Variants in MGA observed in about 807,000 individuals in gnomAD.
The protein encoded by MGA is MAX gene-associated protein.
MGA carries 40 observed loss-of-function variants against 261.1 expected under a neutral mutation model. The observed-to-expected ratio is 0.15, with a 90% CI of 0.12 to 0.20. The LOEUF is 0.20. MGA is among the 10% of genes least tolerant of loss of function. The pLI is 1.00. For synonymous variants in MGA, 1,302 were observed against 1,290.6 expected, an observed-to-expected ratio of 1.01 and a Z score of -0.19; for missense variants, 3,397 against 3,630.5, an observed-to-expected ratio of 0.94 and a Z score of 1.65.
chr15:41,765,200 C>A, intron 23 of MGA, 138 bp downstream of exon 23: 1 of 1,012,424 alleles, frequency 9.9e-7, no homozygotes, highest in Non-Finnish European at 1.5e-6. Flanking sequence ...AGAGGTGGCC[C>A]TATTTTTAGA....
intron 14 of MGA, among the ~76,000 whole-genome samples, chr15:41,740,535 T>A (rs1241047568): frequency 6.6e-6 from 1 of 152,118 alleles, no homozygotes; most frequent in African/African-American, 2.4e-5. Flanking sequence ...AGGATTTTAA[T>A]TTTGTTTCTA....
intron 1 of MGA, among the ~76,000 whole-genome samples, chr15:41,625,679 A>G (rs755915785): frequency 1.1e-4 from 16 of 152,244 alleles, no homozygotes; most frequent in Non-Finnish European, 2.4e-4. Flanking sequence ...GTGCCACTGC[A>G]CTCCAGCCTG....
intron 1 of MGA, among the ~76,000 whole-genome samples, chr15:41,643,251 T>A (rs1016437277): frequency 1.3e-5 from 2 of 150,398 alleles, no homozygotes; most frequent in Non-Finnish European, 3.0e-5. Context: ...TTTTTATTTT[T>A]ATTTTTTGAG....
chr15:41,626,607 G>T (rs2056460615), intron 1 of MGA, among the ~76,000 whole-genome samples: 1 of 151,962 alleles, frequency 6.6e-6, no homozygotes, highest in African/African-American at 2.4e-5. Flanking sequence ...ATTTTTAGTA[G>T]AAACGGACTT....
chr15:41,706,275 A>C (rs1336450276), intron 5 of MGA, among the ~76,000 whole-genome samples: 1 of 151,694 alleles, frequency 6.6e-6, no homozygotes, highest in East Asian at 1.9e-4. Flanking sequence ...TATGTAATAC[A>C]ATAAAGATAT....
intron 1 of MGA, among the ~76,000 whole-genome samples, chr15:41,624,818 T>TA (rs571351497): frequency 1.3e-5 from 2 of 152,254 alleles, no homozygotes; most frequent in Admixed American, 1.3e-4. Context: ...ATTACTACTT[T>TA]AAAAAACTGG....
At chr15:41,760,581 G>A (rs1322956360) in intron 20 of MGA, 52 bp downstream of exon 20, 14 of 1,554,742 alleles carry the variant, frequency 9.0e-6, no homozygotes, top group African/African-American at 1.4e-5. Flanking sequence ...GATTCTTACC[G>A]ATGATATGAG....
At chr15:41,679,407 G>T (rs1045853797) in intron 2 of MGA, among the ~76,000 whole-genome samples, 3 of 152,092 alleles carry the variant, frequency 2.0e-5, no homozygotes, top group Non-Finnish European at 4.4e-5. Flanking sequence ...TGTTGAATTC[G>T]TTCAACACTT....
upstream of MGA, among the ~76,000 whole-genome samples, chr15:41,657,276 G>C (rs1041744015): frequency 6.7e-6 from 1 of 148,344 alleles, no homozygotes; most frequent in Non-Finnish European, 1.5e-5. Flanking sequence ...GGATGGAGTT[G>C]TCTATGATTC....
chr15:41,752,969 TA>T (rs781511425), intron 17 of MGA, among the ~76,000 whole-genome samples: 3 of 152,216 alleles, frequency 2.0e-5, no homozygotes, highest in Admixed American at 6.5e-5. Context: ...AAGTGATCTC[TA>T]AAATCTAAAG....
At chr15:41,719,141 T>G (rs2060809450) in intron 9 of MGA, among the ~76,000 whole-genome samples, 1 of 152,170 alleles carries the variant, frequency 6.6e-6, no homozygotes, top group Admixed American at 6.6e-5. Context: ...AAATACCATT[T>G]AAAATAGCAT....
intron 1 of MGA, among the ~76,000 whole-genome samples, chr15:41,624,200 G>C (rs2140909203): frequency 6.6e-6 from 1 of 151,954 alleles, no homozygotes; most frequent in Middle Eastern, 3.4e-3. Flanking sequence ...AAGTAGCTGG[G>C]ATTATAGGTG....
At chr15:41,735,836 G>A (rs1157179017) in intron 12 of MGA, among the ~76,000 whole-genome samples, 1 of 152,156 alleles carries the variant, frequency 6.6e-6, no homozygotes, top group Non-Finnish European at 1.5e-5. Flanking sequence ...CACTTTGCCT[G>A]TATGTATAGC....
At position 41,750,496 on chromosome 15, in the gene MGA, A is replaced by G. The variant is rs1199135517; in HGVS notation, c.6889A>G (p.Thr2297Ala). The change falls in exon 17 of 24, where the codon ACT becomes GCT. Residue 2297 changes from threonine (T) to alanine (A), a missense_variant. Physicochemically the swap from Thr to Ala is moderately conservative, Grantham distance 58. Around this residue, in one of 9 missense-constraint regions of MGA, gnomAD observed 1,410 missense variants for 1,386.4 expected, o/e 1.02. Coordinates refer to ENST00000219905, the MANE Select transcript of MGA (RefSeq NM_001164273.2). ...GGGTGGGAGAAGCAGTGCTGACTTCACTGTTTTGGATTTGGAAGAAGATGA... is the reference window on the plus strand; with the variant it reads ...GGGTGGGAGAAGCAGTGCTGACTTCGCTGTTTTGGATTTGGAAGAAGATGA... 1.9e-6 allele frequency: 3 copies of G among 1,613,928 alleles called. No individual in the cohort carries two copies. The highest frequency in any genetic ancestry group is 2.5e-6 in the Non-Finnish European group (3 of 1,179,840).
chr15:41,727,533 T>C (rs1323347730), intron 10 of MGA, 127 bp downstream of exon 10: 3 of 855,326 alleles, frequency 3.5e-6, no homozygotes, highest in African/African-American at 3.4e-5. Context: ...TTATAAGATA[T>C]CTTCCTTTCT....
At chr15:41,759,704 T>C (rs11636523) in intron 19 of MGA, among the ~76,000 whole-genome samples, 38,667 of 152,074 alleles carry the variant, frequency 0.25, 5,466 homozygotes, top group Middle Eastern at 0.43. Flanking sequence ...AGAAGGACTT[T>C]CCTGAAAAAG....
At chr15:41,745,281 TA>T (rs71108126) in intron 15 of MGA, among the ~76,000 whole-genome samples, 555 of 33,184 alleles carry the variant, frequency 0.017, 11 homozygotes, top group East Asian at 0.052. Context: ...GAATGATCAA[TA>T]AAAAAAAAAA....
rs750280683 is a variant in MGA, at chr15:41,710,825, G to A, written c.2560G>A (p.Val854Met). The A allele has an allele frequency of 1.3e-5, 21 of 1,613,966 alleles. No individual in the cohort carries two copies. Among genetic ancestry groups the A allele is most frequent in the Non-Finnish European group, 1.7e-5 (20 of 1,179,882 alleles). Reference sequence around the variant, plus strand: ...TTCTAATGCTCCCACATCTCCTGTGGTGTACCAGCTTCCCACTAAGAGTAC... The same window carrying A: ...TTCTAATGCTCCCACATCTCCTGTGATGTACCAGCTTCCCACTAAGAGTAC... The change falls in exon 8 of 24, where the codon GTG (valine) becomes ATG (methionine). Residue 854 changes from valine to methionine, a missense_variant. Physicochemically the swap from Val to Met is conservative, Grantham distance 21. Coordinates refer to ENST00000219905, the MANE Select transcript of MGA (RefSeq NM_001164273.2).
At chr15:41,690,293 A>T (rs2059205776) in intron 2 of MGA, among the ~76,000 whole-genome samples, 1 of 152,202 alleles carries the variant, frequency 6.6e-6, no homozygotes, top group Non-Finnish European at 1.5e-5. Context: ...TTATTGTCAA[A>T]TAATATTGTG....
Sources: allele counts gnomAD v4.1 joint callset (sites outside exome capture counted in the v4.1 genomes callset), GRCh38; gene constraint gnomAD v4.1.1; regional missense constraint gnomAD v4.1.1; transcripts MANE v1.5; gene names NCBI Gene and HGNC (gene_info 2026-07-23, HGNC 2026-07-21).